SUMF1: variants seen among roughly 807,000 people sequenced by gnomAD.
SUMF1 encodes sulfatase modifying factor 1.
Under a neutral mutation model 47.6 loss-of-function variants are expected in SUMF1, and 48 were observed. The observed-to-expected ratio is 1.01, with a 90% CI of 0.80 to 1.28. The LOEUF (loss-of-function observed/expected upper bound fraction) is 1.28, where lower values mean the gene tolerates loss of function less well. Among genes scored for constraint, SUMF1 ranks in the 50% most tolerant of loss-of-function variants. The pLI, the probability that SUMF1 is intolerant of heterozygous loss-of-function variation, is 0.00. For synonymous variants in SUMF1, 230 were observed against 192.1 expected (o/e 1.20, Z -1.63); for missense variants, 571 against 485.4 (o/e 1.18, Z -1.66).
At chr3:4,073,586 G>A (rs774416316) in intron 8 of SUMF1, among the ~76,000 whole-genome samples, 1 of 152,134 alleles carries the variant, frequency 6.6e-6, no homozygotes, top group Non-Finnish European at 1.5e-5. Flanking sequence ...GTATTCAGGA[G>A]ACCCATCTCA....
intron 8 of SUMF1, among the ~76,000 whole-genome samples, chr3:4,319,051 C>T (rs1327412449): frequency 6.6e-6 from 1 of 152,186 alleles, no homozygotes; most frequent in African/African-American, 2.4e-5. Flanking sequence ...CAATTTAAAA[C>T]TATAAGTTAT....
intron 3 of SUMF1, among the ~76,000 whole-genome samples, chr3:4,440,243 C>CAAA (rs758476250): frequency 1.3e-4 from 4 of 30,584 alleles, no homozygotes; most frequent in African/African-American, 2.1e-4. Flanking sequence ...GACTCTGTCT[C>CAAA]AAAAAAAAAA....
intron 8 of SUMF1, among the ~76,000 whole-genome samples, chr3:4,268,402 G>A (rs951347803): frequency 1.3e-5 from 2 of 151,726 alleles, no homozygotes; most frequent in African/African-American, 4.8e-5. Context: ...CCTGCACATT[G>A]TGCACATGTA....
rs560011687 is a variant in SUMF1, at chr3:4,129,866, T to C, written c.1015-61121A>G. On this transcript the variant is annotated intron_variant and NMD_transcript_variant, in intron 8 of 12. Coordinates refer to the SUMF1 transcript ENST00000448413. ...TGGGTCCAGTGGGTCCCTGGACTCA[T>C]CCTGTCATCATTTCCCCAGTGTCAG... is the stretch of plus-strand genomic sequence containing the variant. Among the ~76,000 whole-genome samples the C allele has an allele frequency of 7.9e-5, 12 of 152,168 alleles. 1 individual carries two copies. In the East Asian group the frequency reaches 9.7e-4, roughly 12 times the overall value.
intron 8 of SUMF1, among the ~76,000 whole-genome samples, chr3:4,193,208 T>G (rs1162223511): frequency 6.6e-6 from 1 of 152,108 alleles, no homozygotes; most frequent in South Asian, 2.1e-4. Context: ...CATGAAGAAC[T>G]GAAATTTTAT....
intron 8 of SUMF1, among the ~76,000 whole-genome samples, chr3:4,075,829 A>C (rs906604262): frequency 2.0e-5 from 3 of 152,158 alleles, no homozygotes; most frequent in Non-Finnish European, 4.4e-5. Flanking sequence ...CTGCTCAATG[A>C]AATAAAAGAG....
At chr3:4,183,507 C>A (rs75521899) in intron 8 of SUMF1, among the ~76,000 whole-genome samples, 2 of 152,036 alleles carry the variant, frequency 1.3e-5, no homozygotes, top group South Asian at 4.1e-4. Flanking sequence ...AAATTGATAG[C>A]GCTCATCAGA....
At chr3:4,171,393 G>T (rs773529315) in intron 8 of SUMF1, among the ~76,000 whole-genome samples, 3 of 152,104 alleles carry the variant, frequency 2.0e-5, no homozygotes, top group Non-Finnish European at 2.9e-5. Flanking sequence ...TTGAGGTGGT[G>T]GTTAGCTAAC....
intron 8 of SUMF1, among the ~76,000 whole-genome samples, chr3:4,292,270 A>T (rs1287048936): frequency 6.6e-6 from 1 of 152,258 alleles, no homozygotes; most frequent in African/African-American, 2.4e-5. Flanking sequence ...TTAAAAATAC[A>T]CATAGGCTAA....
At chr3:4,319,267 A>G (rs1300099969) in intron 8 of SUMF1, among the ~76,000 whole-genome samples, 2 of 152,214 alleles carry the variant, frequency 1.3e-5, no homozygotes, top group Non-Finnish European at 1.5e-5. Context: ...CCAAAATGAC[A>G]GGGGGTTCAG....
chr3:4,325,316 C>T (rs531623838), intron 8 of SUMF1, among the ~76,000 whole-genome samples: 20 of 151,700 alleles, frequency 1.3e-4, no homozygotes, highest in African/African-American at 4.4e-4. Context: ...GCTAGGAAGG[C>T]TCATTTCTAA....
intron 8 of SUMF1, among the ~76,000 whole-genome samples, chr3:4,267,314 C>T (rs988265605): frequency 6.6e-6 from 1 of 152,098 alleles, no homozygotes; most frequent in Non-Finnish European, 1.5e-5. Context: ...CAGTTCCTCC[C>T]TGTACCTCTG....
intron 8 of SUMF1, among the ~76,000 whole-genome samples, chr3:4,294,217 TAATTA>T (rs1559660261): frequency 1.3e-5 from 2 of 151,910 alleles, no homozygotes; most frequent in Non-Finnish European, 2.9e-5. Flanking sequence ...AAATCAAATT[TAATTA>T]AAATTGATAA....
At chr3:4,449,665 T>C (rs560744286) in intron 2 of SUMF1, among the ~76,000 whole-genome samples, 1 of 152,370 alleles carries the variant, frequency 6.6e-6, no homozygotes, top group Non-Finnish European at 1.5e-5. Context: ...AATAGTATTC[T>C]GTACGTGTGA....
intron 8 of SUMF1, among the ~76,000 whole-genome samples, chr3:4,112,795 A>T (rs1291927158): frequency 6.6e-6 from 1 of 152,162 alleles, no homozygotes; most frequent in Non-Finnish European, 1.5e-5. Flanking sequence ...TATCCAACAG[A>T]GTGAGAACAA....
chr3:4,101,214 C>T (rs561465483), intron 8 of SUMF1, among the ~76,000 whole-genome samples: 14 of 152,052 alleles, frequency 9.2e-5, no homozygotes, highest in African/African-American at 2.2e-4. Flanking sequence ...AAGCATTATT[C>T]GCAAGAGTCA....
At chr3:4,257,942 C>T (rs1157456641) in intron 8 of SUMF1, among the ~76,000 whole-genome samples, 2 of 151,898 alleles carry the variant, frequency 1.3e-5, no homozygotes, top group Admixed American at 1.3e-4. Context: ...GAACAGAGCC[C>T]TCAGAAATAA....
At chr3:4,326,154 C>T (rs568118918) in intron 8 of SUMF1, among the ~76,000 whole-genome samples, 1 of 152,126 alleles carries the variant, frequency 6.6e-6, no homozygotes, top group Non-Finnish European at 1.5e-5. Context: ...TCTCTCAATC[C>T]TTTATTTTTA....
rs79952263 is a variant in SUMF1 at position 4,084,180 on chromosome 3, G to A, written c.1015-15435C>T. ...AGAAAGGCATCTCTTCCATGAGCCT[G>A]GGCAAATTCACAACTCCCTGCTTCT... On this transcript the variant is annotated intron_variant and NMD_transcript_variant, in intron 8 of 12. Transcript: ENST00000448413. Among the ~76,000 whole-genome samples, 991 of 152,116 alleles carry A rather than the reference G, an allele frequency of 6.5e-3. 39 individuals are homozygous for A. The highest frequency in any genetic ancestry group is 0.053 in the Admixed American group (803 of 15,272).
Sources: gnomAD v4.1 joint callset for allele counts (sites outside exome capture counted in the v4.1 genomes callset) on GRCh38, gnomAD v4.1.1 for gene constraint, MANE v1.5 for transcripts, NCBI Gene and HGNC (gene_info 2026-07-23, HGNC 2026-07-21) for gene names.